The following PRKG1 variants were observed in gnomAD, a reference collection of about 807,000 sequenced individuals.
PRKG1 encodes cGMP-dependent protein kinase 1.
A neutral mutation model predicts 88.1 loss-of-function variants in PRKG1; 35 were observed. That is an observed-to-expected ratio of 0.40 (90% CI 0.30 to 0.53). The LOEUF (loss-of-function observed/expected upper bound fraction) is 0.53, where lower values mean the gene tolerates loss of function less well. Among genes scored for constraint, PRKG1 ranks in the 20% least tolerant of loss-of-function variants. The probability of loss-of-function intolerance (pLI) is 0.59; values close to 1 mark genes in which losing one functional copy is unlikely to be tolerated. For synonymous variants in PRKG1, 303 were observed against 292.5 expected, an observed-to-expected ratio of 1.04 and a Z score of -0.37; for missense variants, 540 against 839.8, an observed-to-expected ratio of 0.64 and a Z score of 4.41.
chr10:51,667,089 A>G (rs895788307), intron 3 of PRKG1, among the ~76,000 whole-genome samples: 10 of 152,258 alleles, frequency 6.6e-5, no homozygotes, highest in Admixed American at 2.6e-4. Flanking sequence ...ATTTATTTCT[A>G]TTATTGACAA....
At chr10:51,576,851 G>A (rs1387047069) in intron 3 of PRKG1, among the ~76,000 whole-genome samples, 2 of 151,494 alleles carry the variant, frequency 1.3e-5, no homozygotes, top group Non-Finnish European at 2.9e-5. Flanking sequence ...GCGTCTACTT[G>A]GGGAATTAAT....
intron 9 of PRKG1, among the ~76,000 whole-genome samples, chr10:52,240,486 T>A (rs1382916921): frequency 6.6e-6 from 1 of 151,564 alleles, no homozygotes; most frequent in Non-Finnish European, 1.5e-5. Flanking sequence ...AAGTATGGAG[T>A]TTAGTTTCAA....
Position 51,445,297 on chromosome 10 carries a change from T to C in PRKG1, c.479-22426T>C, listed in dbSNP as rs189920339. ...AATAATTCATAAAACAGAGTATGTT[T>C]CTAATTTAAAGCTTTATCGTAATCA... is the stretch of plus-strand genomic sequence containing the variant. On this transcript the variant is annotated intron_variant, in intron 2 of 17. Transcript: ENST00000373980. 5.3e-5 allele frequency among the ~76,000 whole-genome samples: 8 copies of C among 152,068 alleles called. No homozygotes were observed. The East Asian group carries it at 1.4e-3, about 26-fold the overall frequency.
intron 3 of PRKG1, among the ~76,000 whole-genome samples, chr10:51,558,935 G>A (rs1440263652): frequency 6.6e-6 from 1 of 151,940 alleles, no homozygotes; most frequent in Non-Finnish European, 1.5e-5. Context: ...AGTTACCCAG[G>A]CTCAACCCAT....
intron 13 of PRKG1, among the ~76,000 whole-genome samples, chr10:52,281,406 G>A (rs1841999497): frequency 6.6e-6 from 1 of 151,772 alleles, no homozygotes; most frequent in Non-Finnish European, 1.5e-5. Flanking sequence ...TACCATAGAA[G>A]AGAAGTTCTT....
intron 4 of PRKG1, among the ~76,000 whole-genome samples, chr10:51,874,757 T>C (rs907492853): frequency 1.3e-5 from 2 of 152,204 alleles, no homozygotes; most frequent in African/African-American, 4.8e-5. Context: ...CTAGAAAATG[T>C]AAATACAGAC....
chr10:52,054,247 T>A (rs1032392023), intron 5 of PRKG1, among the ~76,000 whole-genome samples: 1 of 152,184 alleles, frequency 6.6e-6, no homozygotes. Context: ...TGTGCACATG[T>A]ACCCTAAAAC....
chr10:51,441,640 G>GTTC (rs1304234271), intron 2 of PRKG1, among the ~76,000 whole-genome samples: 1 of 151,872 alleles, frequency 6.6e-6, no homozygotes, highest in Non-Finnish European at 1.5e-5. Flanking sequence ...CTGAGTTTTA[G>GTTC]TTCTGGTTCT....
At chr10:51,018,350 G>C (rs1288379570) in intron 1 of PRKG1, among the ~76,000 whole-genome samples, 5 of 151,828 alleles carry the variant, frequency 3.3e-5, no homozygotes, top group Non-Finnish European at 1.5e-5. Context: ...TTTTATATTT[G>C]TTCTTCTGTA....
chr10:51,946,012 G>T (rs1202102609), intron 5 of PRKG1, among the ~76,000 whole-genome samples: 1 of 151,616 alleles, frequency 6.6e-6, no homozygotes, highest in African/African-American at 2.4e-5. Flanking sequence ...TGCCTTGCTA[G>T]ATTGGGGAAG....
chr10:51,375,789 G>T (rs1210088646), intron 2 of PRKG1, among the ~76,000 whole-genome samples: 2 of 151,226 alleles, frequency 1.3e-5, no homozygotes, highest in Admixed American at 6.6e-5. Flanking sequence ...AAGTGATCAG[G>T]GTAGTTCTTA....
chr10:51,873,083 C>T (rs1443959785), intron 4 of PRKG1, among the ~76,000 whole-genome samples: 1 of 152,012 alleles, frequency 6.6e-6, no homozygotes, highest in South Asian at 2.1e-4. Context: ...TATCAAATAC[C>T]TAATTATTTT....
rs58118931 is a variant in PRKG1, at chr10:52,134,111, T to C, written c.1001+206T>C. 0.15 allele frequency among the ~76,000 whole-genome samples: 23,477 copies of C among 152,176 alleles called. 2,676 individuals are homozygous for C. The highest frequency in any genetic ancestry group is 0.31 in the African/African-American group (13,048 of 41,530). The stretch of plus-strand genomic sequence containing the variant: ...GCTTTGTGATCTTTAACAAGGTACT[T>C]AACCACTGTGAGCTTCGGCTCAGCT... On this transcript the variant is annotated intron_variant, in intron 8 of 17. Transcript: ENST00000373980.
intron 1 of PRKG1, among the ~76,000 whole-genome samples, chr10:51,048,703 C>T (rs1307547882): frequency 6.6e-6 from 1 of 152,180 alleles, no homozygotes. Context: ...TCAACGCTTG[C>T]AAATCACTAC....
intron 3 of PRKG1, among the ~76,000 whole-genome samples, chr10:51,624,428 A>G (rs1839284558): frequency 6.6e-6 from 1 of 152,240 alleles, no homozygotes; most frequent in African/African-American, 2.4e-5. Context: ...TATAATAAAC[A>G]GAAATCTGCC....
At chr10:52,178,929 T>C (rs1240847712) in intron 9 of PRKG1, among the ~76,000 whole-genome samples, 1 of 151,920 alleles carries the variant, frequency 6.6e-6, no homozygotes, top group East Asian at 1.9e-4. Context: ...TGGTTGGGTG[T>C]TGTTTTTTTT....
intron 3 of PRKG1, among the ~76,000 whole-genome samples, chr10:51,666,280 G>T (rs879910757): frequency 1.3e-5 from 2 of 152,174 alleles, no homozygotes; most frequent in Admixed American, 1.3e-4. Flanking sequence ...ATCTTTGGCT[G>T]CCTCTCCAAC....
At chr10:52,067,271 G>T (rs1296581042) in intron 7 of PRKG1, among the ~76,000 whole-genome samples, 1 of 152,112 alleles carries the variant, frequency 6.6e-6, no homozygotes, top group East Asian at 1.9e-4. Flanking sequence ...TCAGATTGTG[G>T]TTTTCTCACA....
At chr10:52,026,084 A>G (rs1157657552) in intron 5 of PRKG1, among the ~76,000 whole-genome samples, 1 of 152,082 alleles carries the variant, frequency 6.6e-6, no homozygotes, top group Non-Finnish European at 1.5e-5. Context: ...TCCCTATTTA[A>G]TAAATGGTGT....
Sources: allele counts gnomAD v4.1 joint callset (sites outside exome capture counted in the v4.1 genomes callset), GRCh38; gene constraint gnomAD v4.1.1; transcripts MANE v1.5; gene names NCBI Gene and HGNC (gene_info 2026-07-23, HGNC 2026-07-21).